The following STK10 variants were observed in gnomAD, a reference collection of about 807,000 sequenced individuals.
STK10 encodes serine/threonine kinase 10, also known as serine/threonine-protein kinase 10.
Under a neutral mutation model 113.8 loss-of-function variants are expected in STK10, and 78 were observed. That is an observed-to-expected ratio of 0.69 (90% CI 0.57 to 0.83). STK10 has a LOEUF of 0.83. STK10 is among the 40% of genes least tolerant of loss of function. The pLI is 0.00. For synonymous variants in STK10, 465 were observed against 494.7 expected, an observed-to-expected ratio of 0.94 and a Z score of 0.80; for missense variants, 1,109 against 1,280.1, an observed-to-expected ratio of 0.87 and a Z score of 2.04.
chr5:172,166,650 G>A (rs1770576408), intron 1 of STK10, among the ~76,000 whole-genome samples: 1 of 152,182 alleles, frequency 6.6e-6, no homozygotes, highest in African/African-American at 2.4e-5. Context: ...AAAGTGGAAA[G>A]GATCATTTTA....
intron 1 of STK10, among the ~76,000 whole-genome samples, chr5:172,172,879 C>T (rs1006489268): frequency 9.2e-5 from 14 of 152,050 alleles, no homozygotes; most frequent in Non-Finnish European, 2.1e-4. Flanking sequence ...ACTCGGGAGC[C>T]TGAGGCAGGA....
intron 7 of STK10, among the ~76,000 whole-genome samples, chr5:172,096,931 G>A (rs568915312): frequency 2.0e-5 from 3 of 152,340 alleles, no homozygotes; most frequent in African/African-American, 7.2e-5. Context: ...TTGCAAGGGA[G>A]GGTGTCTATT....
intron 7 of STK10, among the ~76,000 whole-genome samples, chr5:172,097,195 C>G (rs749362190): frequency 1.3e-5 from 2 of 152,122 alleles, no homozygotes; most frequent in Non-Finnish European, 2.9e-5. Flanking sequence ...TGTGCCACCA[C>G]GCCAGGCTAA....
intron 3 of STK10, among the ~76,000 whole-genome samples, chr5:172,121,705 T>C (rs1769513981): frequency 6.7e-6 from 1 of 149,474 alleles, no homozygotes; most frequent in African/African-American, 2.6e-5. Context: ...AGCAAAACTC[T>C]GTCTCTAAAT....
At chr5:172,101,157 AAC>A (rs1187889989) in intron 7 of STK10, among the ~76,000 whole-genome samples, 23 of 152,294 alleles carry the variant, frequency 1.5e-4, no homozygotes, top group African/African-American at 5.5e-4. Flanking sequence ...AGGGTTATGT[AAC>A]AGTTTGTTAG....
chr5:172,127,191 A>G (rs898944169), intron 3 of STK10, among the ~76,000 whole-genome samples, 182 bp downstream of exon 3: 80 of 152,096 alleles, frequency 5.3e-4, no homozygotes, highest in Non-Finnish European at 9.9e-4. Flanking sequence ...AAGAAAGAAA[A>G]AAAGAACCCA....
intron 2 of STK10, among the ~76,000 whole-genome samples, chr5:172,155,997 A>G (rs1208315209): frequency 6.6e-6 from 1 of 151,550 alleles, no homozygotes; most frequent in Non-Finnish European, 1.5e-5. Flanking sequence ...TCCATCTCAA[A>G]AAAAAAAAAA....
At chr5:172,147,208 G>A (rs2113806871) in intron 2 of STK10, among the ~76,000 whole-genome samples, 1 of 152,236 alleles carries the variant, frequency 6.6e-6, no homozygotes, top group East Asian at 1.9e-4. Flanking sequence ...GCCCTCCCTG[G>A]GTACACCACC....
chr5:172,180,660 T>C (rs1265927320), intron 1 of STK10, among the ~76,000 whole-genome samples: 2 of 148,122 alleles, frequency 1.4e-5, no homozygotes, highest in Non-Finnish European at 3.0e-5. Flanking sequence ...AAAAAAAACA[T>C]TAGCCGGGCG....
intron 1 of STK10, among the ~76,000 whole-genome samples, chr5:172,186,541 G>C (rs1424496970): frequency 6.6e-6 from 1 of 152,048 alleles, no homozygotes; most frequent in African/African-American, 2.4e-5. Flanking sequence ...AGAATTGCTT[G>C]AGCCCAGGAG....
At chr5:172,159,719 A>G (rs1361631665) in intron 1 of STK10, among the ~76,000 whole-genome samples, 1 of 152,176 alleles carries the variant, frequency 6.6e-6, no homozygotes, top group Non-Finnish European at 1.5e-5. Flanking sequence ...GCTACTCAGG[A>G]GGCTGAGGCA....
At chr5:172,076,979 G>A (rs998072109) in intron 12 of STK10, among the ~76,000 whole-genome samples, 2 of 140,698 alleles carry the variant, frequency 1.4e-5, no homozygotes, top group South Asian at 2.2e-4. Context: ...CATGGAGGGC[G>A]AAGGCAAAGG....
At chr5:172,070,444 T>C (rs989830037) in intron 12 of STK10, among the ~76,000 whole-genome samples, 1 of 151,926 alleles carries the variant, frequency 6.6e-6, no homozygotes, top group African/African-American at 2.4e-5. Flanking sequence ...TGGTATTGAA[T>C]AAAAATGAAA....
chr5:172,148,176 G>C (rs1423647110), intron 2 of STK10, among the ~76,000 whole-genome samples: 4 of 152,180 alleles, frequency 2.6e-5, no homozygotes, highest in Admixed American at 2.6e-4. Flanking sequence ...CCGACGTCCA[G>C]ATGAGAAGCC....
At chr5:172,181,425 A>G (rs1770851575) in intron 1 of STK10, among the ~76,000 whole-genome samples, 1 of 151,974 alleles carries the variant, frequency 6.6e-6, no homozygotes, top group African/African-American at 2.4e-5. Flanking sequence ...ATTGTCTTCT[A>G]TTACGTATTA....
intron 7 of STK10, among the ~76,000 whole-genome samples, chr5:172,099,217 G>A (rs753685409): frequency 1.4e-4 from 21 of 151,766 alleles, no homozygotes; most frequent in South Asian, 2.1e-4. Flanking sequence ...CATCACCCCC[G>A]TCAGCAGCAG....
chr5:172,063,211 C>T (rs1157672896), intron 13 of STK10, among the ~76,000 whole-genome samples: 2 of 151,752 alleles, frequency 1.3e-5, no homozygotes, highest in African/African-American at 4.8e-5. Context: ...GATCGTGCCA[C>T]CGCACTCCAG....
At position 172,133,836 on chromosome 5, in the gene STK10, C is replaced by T. The variant is rs1039886422; in HGVS notation, c.322-6415G>A. On this transcript the variant is annotated intron_variant, in intron 2 of 18. Transcript: ENST00000176763. The surrounding 1 kb of genome is among the most constrained non-coding windows in gnomAD (Gnocchi z 4.9). ...TTGTTACCAAAAGTACCTGATCCCA[C>T]GCTTGGCAGGAGATGATGAGTAACC... Among the ~76,000 whole-genome samples, 1 of 152,216 alleles carries T rather than the reference C, an allele frequency of 6.6e-6. No homozygotes were observed. Among genetic ancestry groups the T allele is most frequent in the African/African-American group, 2.4e-5 (1 of 41,458 alleles).
chr5:172,142,695 A>C (rs1770000644), intron 2 of STK10, among the ~76,000 whole-genome samples: 1 of 152,274 alleles, frequency 6.6e-6, no homozygotes, highest in Non-Finnish European at 1.5e-5. Context: ...TGCCTGGTAC[A>C]TAGTAAGTCA....
Sources: gnomAD v4.1 joint callset for allele counts (sites outside exome capture counted in the v4.1 genomes callset) on GRCh38, gnomAD v4.1.1 for gene constraint, Gnocchi (gnomAD v3.1) non-coding constraint, MANE v1.5 for transcripts, NCBI Gene and HGNC (gene_info 2026-07-23, HGNC 2026-07-21) for gene names.